Variants in PDZRN4 observed in about 807,000 individuals in gnomAD.
PDZRN4 encodes the protein PDZ domain-containing RING finger protein 4.
Under a neutral mutation model 99.0 loss-of-function variants are expected in PDZRN4, and 70 were observed. The ratio of observed to expected loss-of-function variants is 0.71; its 90% CI spans 0.58 to 0.86. The LOEUF is 0.86. Among genes scored for constraint, PDZRN4 ranks in the 40% least tolerant of loss-of-function variants. The pLI is 0.00. For synonymous variants in PDZRN4, 551 were observed against 501.6 expected, an observed-to-expected ratio of 1.10 and a Z score of -1.32; for missense variants, 1,474 against 1,331.2, an observed-to-expected ratio of 1.11 and a Z score of -1.67.
At chr12:41,205,505 C>G (rs1361032236) in intron 3 of PDZRN4, among the ~76,000 whole-genome samples, 1 of 151,934 alleles carries the variant, frequency 6.6e-6, no homozygotes, top group African/African-American at 2.4e-5. Context: ...CACTGGCTTT[C>G]TCTTTCAGTT....
rs145912455 is a variant in PDZRN4 at position 41,361,652 on chromosome 12, G to T, written c.844-144804G>T. Among the ~76,000 whole-genome samples the T allele has an allele frequency of 3.9e-4, 60 of 152,068 alleles. 3 individuals are homozygous for T. In the East Asian group the frequency reaches 9.1e-3, roughly 23 times the overall value. ...CATCCCATCACAAAAAAAGAAGCAA[G>T]GAATACACAACTGAAGTTTAGAAAT... On this transcript the variant is annotated intron_variant, in intron 3 of 9. Coordinates refer to ENST00000402685, the MANE Select transcript of PDZRN4 (RefSeq NM_001164595.2).
intron 3 of PDZRN4, among the ~76,000 whole-genome samples, chr12:41,462,507 G>C (rs1390247776): frequency 6.6e-6 from 1 of 152,126 alleles, no homozygotes; most frequent in Non-Finnish European, 1.5e-5. Context: ...GTAAAAAATT[G>C]CTCACCAGTT....
At chr12:41,421,482 C>A (rs749467109) in intron 3 of PDZRN4, among the ~76,000 whole-genome samples, 4 of 152,096 alleles carry the variant, frequency 2.6e-5, no homozygotes, top group Non-Finnish European at 5.9e-5. Flanking sequence ...CATGAGCCAC[C>A]GTGCCCAGCC....
intron 3 of PDZRN4, among the ~76,000 whole-genome samples, chr12:41,288,813 G>A (rs183435291): frequency 1.3e-5 from 2 of 152,042 alleles, no homozygotes; most frequent in Non-Finnish European, 2.9e-5. Context: ...AGGATTTAAA[G>A]AATTATGTTT....
chr12:41,188,338 C>A lies in PDZRN4; in HGVS notation c.-118C>A, dbSNP rs1182526352. ...CAGTGAGATCACACCTCCCACCCGC[C>A]ACCTCCCTCCACTGCCGCCGCCGCG... On this transcript the variant is annotated 5_prime_UTR_variant, in exon 1 of 10. Transcript: ENST00000402685. 4.4e-6 allele frequency: 4 copies of A among 919,388 alleles called. No individual in the cohort carries two copies. Among genetic ancestry groups the A allele is most frequent in the Non-Finnish European group, 6.3e-6 (4 of 635,546 alleles). 57.0% of individuals were successfully genotyped at this position (919,388 alleles called of 1,614,324 possible). A position where few individuals can be genotyped will look rare whatever the true frequency, so the allele number is the denominator to read the frequency against.
At chr12:41,201,131 A>C (rs1950813376) in intron 3 of PDZRN4, among the ~76,000 whole-genome samples, 1 of 150,594 alleles carries the variant, frequency 6.6e-6, no homozygotes, top group East Asian at 2.0e-4. Context: ...ATGAAGCAAA[A>C]ATAGCCGTTT....
intron 3 of PDZRN4, among the ~76,000 whole-genome samples, chr12:41,426,480 G>T (rs564073487): frequency 5.6e-4 from 85 of 152,264 alleles, no homozygotes; most frequent in African/African-American, 2.0e-3. Context: ...AATGAAGTGG[G>T]TCCTCATGGG....
chr12:41,246,591 G>C (rs533466306), intron 3 of PDZRN4, among the ~76,000 whole-genome samples: 2 of 152,264 alleles, frequency 1.3e-5, no homozygotes, highest in East Asian at 3.9e-4. Context: ...TGGAGCTATA[G>C]ATGAGGTAAC....
chr12:41,325,594 C>T (rs1318557848), intron 3 of PDZRN4, among the ~76,000 whole-genome samples: 3 of 152,086 alleles, frequency 2.0e-5, no homozygotes, highest in African/African-American at 7.2e-5. Context: ...TGAGGCCCTT[C>T]TAGAGAAGGT....
intron 5 of PDZRN4, among the ~76,000 whole-genome samples, chr12:41,516,847 T>C (rs541772895): frequency 6.6e-6 from 1 of 152,094 alleles, no homozygotes; most frequent in South Asian, 2.1e-4. Flanking sequence ...TATTGAACTT[T>C]AGTTGAGACA....
At chr12:41,443,916 A>C (rs542147918) in intron 3 of PDZRN4, among the ~76,000 whole-genome samples, 16 of 152,150 alleles carry the variant, frequency 1.1e-4, no homozygotes, top group Non-Finnish European at 1.6e-4. Context: ...GGATGAGATC[A>C]CCCAGGCAGA....
intron 3 of PDZRN4, among the ~76,000 whole-genome samples, chr12:41,487,401 C>A (rs148807949): frequency 1.3e-5 from 2 of 152,244 alleles, no homozygotes; most frequent in African/African-American, 4.8e-5. Flanking sequence ...CTAGAAAGGT[C>A]TCAACATCTA....
At chr12:41,529,077 A>G (rs1592098372) in intron 5 of PDZRN4, among the ~76,000 whole-genome samples, 1 of 152,310 alleles carries the variant, frequency 6.6e-6, no homozygotes, top group South Asian at 2.1e-4. Context: ...AGTAATTTGC[A>G]GAATCTCCGC....
At chr12:41,332,808 AAC>A (rs1399627720) in intron 3 of PDZRN4, among the ~76,000 whole-genome samples, 1 of 151,812 alleles carries the variant, frequency 6.6e-6, no homozygotes, top group African/African-American at 2.4e-5. Flanking sequence ...GCATAACAAA[AAC>A]AGTTTCTCCC....
chr12:41,313,455 C>T (rs1951620025), intron 3 of PDZRN4, among the ~76,000 whole-genome samples: 1 of 152,136 alleles, frequency 6.6e-6, no homozygotes, highest in African/African-American at 2.4e-5. Flanking sequence ...CTCCAGCGGA[C>T]TGGTACTATT....
intron 3 of PDZRN4, among the ~76,000 whole-genome samples, chr12:41,299,706 A>C (rs1396781753): frequency 8.2e-5 from 9 of 110,394 alleles, no homozygotes; most frequent in Non-Finnish European, 1.3e-4. Flanking sequence ...CTATGTTTTT[A>C]CTTTATAAAA....
rs964130791 is a variant in PDZRN4 at position 41,321,636 on chromosome 12, C to CTTTG, written c.843+127460_843+127463dup. Among the ~76,000 whole-genome samples, 10 of 152,214 alleles carry CTTTG rather than the reference C, an allele frequency of 6.6e-5. No homozygotes were observed. In the South Asian group the frequency reaches 1.5e-3, roughly 22 times the overall value. ...CTCACTTGTAGCATCTACTCCTTTG[C>CTTTG]TTTGTTTGTTTGTTTTGGTTTTGGT... On this transcript the variant is annotated intron_variant, in intron 3 of 9. Transcript: ENST00000402685.
rs1952059196 is a variant in PDZRN4 at position 41,373,577 on chromosome 12, T to G, written c.844-132879T>G. Among the ~76,000 whole-genome samples, 6 of 152,156 alleles carry G rather than the reference T, an allele frequency of 3.9e-5. No homozygotes were observed. The South Asian group carries it at 1.2e-3, about 32-fold the overall frequency. Reference sequence around the variant, plus strand: ...CCAGCAGTCAGAGTTTAAGGTTCTCTCTTATTCCCTGAACATTGCTGTTAT... The same window carrying G: ...CCAGCAGTCAGAGTTTAAGGTTCTCGCTTATTCCCTGAACATTGCTGTTAT... On this transcript the variant is annotated intron_variant, in intron 3 of 9. Coordinates refer to ENST00000402685, the MANE Select transcript of PDZRN4 (RefSeq NM_001164595.2).
intron 3 of PDZRN4, among the ~76,000 whole-genome samples, chr12:41,447,025 T>C (rs568808069): frequency 4.6e-5 from 7 of 152,160 alleles, no homozygotes; most frequent in Non-Finnish European, 1.0e-4. Context: ...CGACTATAGT[T>C]ATTGAGGATC....
Sources: gnomAD v4.1 joint callset for allele counts (sites outside exome capture counted in the v4.1 genomes callset) on GRCh38, gnomAD v4.1.1 for gene constraint, MANE v1.5 for transcripts, NCBI Gene and HGNC (gene_info 2026-07-23, HGNC 2026-07-21) for gene names.